Variants in ENTREP1 observed in about 807,000 individuals in gnomAD.
ENTREP1 encodes the protein endosomal transmembrane epsin interactor 1.
the ENTREP1 span, among the ~76,000 whole-genome samples, chr9:69,360,805 C>A: frequency 5.3e-5 from 8 of 151,876 alleles, no homozygotes; most frequent in African/African-American, 1.9e-4. Flanking sequence ...TTTTTTCCCT[C>A]ACTCCCCACA....
chr9:69,344,775 G>A, the ENTREP1 span, among the ~76,000 whole-genome samples: 4 of 152,184 alleles, frequency 2.6e-5, no homozygotes, highest in Non-Finnish European at 4.4e-5. Context: ...TTGTGTCCAA[G>A]GCTGACAACA....
chr9:69,334,043 G>T, the ENTREP1 span, among the ~76,000 whole-genome samples: 1 of 152,208 alleles, frequency 6.6e-6, no homozygotes, highest in Non-Finnish European at 1.5e-5. Flanking sequence ...CATTTCTAAA[G>T]AAATAAGTGA....
the ENTREP1 span, among the ~76,000 whole-genome samples, chr9:69,384,220 A>G: frequency 6.6e-6 from 1 of 152,074 alleles, no homozygotes; most frequent in African/African-American, 2.4e-5. Flanking sequence ...AAATGATAAA[A>G]TAATGATCCT....
chr9:69,361,593 T>C, the ENTREP1 span, among the ~76,000 whole-genome samples: 4 of 152,238 alleles, frequency 2.6e-5, no homozygotes, highest in Non-Finnish European at 5.9e-5. Context: ...CTATGAGCAT[T>C]CTTGTCTATG....
the ENTREP1 span, chr9:69,336,421 CAGTA>C: frequency 7.7e-6 from 4 of 522,130 alleles, no homozygotes; most frequent in East Asian, 3.2e-5. Context: ...TGATCATAAC[CAGTA>C]AGTAAGATAA....
chr9:69,354,781 T>C, the ENTREP1 span, among the ~76,000 whole-genome samples: 1 of 152,206 alleles, frequency 6.6e-6, no homozygotes, highest in Non-Finnish European at 1.5e-5. Flanking sequence ...TTGTCTCTCT[T>C]TTTGTGATAT....
chr9:69,365,907 A>G, the ENTREP1 span, among the ~76,000 whole-genome samples: 1 of 152,128 alleles, frequency 6.6e-6, no homozygotes, highest in Admixed American at 6.6e-5. Context: ...TATATACCAT[A>G]TATTATTTAT....
the ENTREP1 span, among the ~76,000 whole-genome samples, chr9:69,379,243 A>G: frequency 6.6e-6 from 1 of 152,248 alleles, no homozygotes; most frequent in Non-Finnish European, 1.5e-5. Context: ...ACTTTGAGAT[A>G]GGTCACCAGT....
the ENTREP1 span, among the ~76,000 whole-genome samples, chr9:69,367,704 AAT>A: frequency 1.1e-4 from 12 of 105,056 alleles, no homozygotes; most frequent in South Asian, 6.0e-4. Flanking sequence ...CATATATATA[AAT>A]ATATATATAC....
At chr9:69,334,908 C>A in the ENTREP1 span, among the ~76,000 whole-genome samples, 1 of 151,758 alleles carries the variant, frequency 6.6e-6, no homozygotes, top group African/African-American at 2.4e-5. Context: ...TCCCAAGTAG[C>A]GTCACCATGC....
chr9:69,336,143 C>T, the ENTREP1 span: 7 of 787,654 alleles, frequency 8.9e-6, no homozygotes, highest in Non-Finnish European at 1.2e-5. Context: ...AAAATATGTA[C>T]TTTTGTGACT....
chr9:69,388,116 G>T, the ENTREP1 span: 4 of 1,613,810 alleles, frequency 2.5e-6, no homozygotes, highest in Non-Finnish European at 2.5e-6. Flanking sequence ...ATGTTCAAAA[G>T]GGGTTGGCCA....
the ENTREP1 span, chr9:69,383,807 A>C: frequency 6.2e-7 from 1 of 1,611,234 alleles, no homozygotes; most frequent in South Asian, 1.1e-5. Context: ...GCAAGTGGGA[A>C]AGACAGCACC....
At chr9:69,367,932 C>T in the ENTREP1 span, among the ~76,000 whole-genome samples, 7 of 146,856 alleles carry the variant, frequency 4.8e-5, no homozygotes, top group Non-Finnish European at 8.9e-5. Context: ...TATATATACA[C>T]GTACATATAT....
At chr9:69,377,485 T>C in the ENTREP1 span, 8 of 1,609,470 alleles carry the variant, frequency 5.0e-6, no homozygotes, top group East Asian at 2.2e-5. Flanking sequence ...ATCGTAAGTC[T>C]ATGCAAGGGC....
chr9:69,328,872 C>T, the ENTREP1 span, among the ~76,000 whole-genome samples: 1 of 152,100 alleles, frequency 6.6e-6, no homozygotes, highest in African/African-American at 2.4e-5. Context: ...ACTCCTCATT[C>T]TCCACCACCC....
chr9:69,345,205 A>C, the ENTREP1 span, among the ~76,000 whole-genome samples: 1 of 152,124 alleles, frequency 6.6e-6, no homozygotes, highest in Admixed American at 6.5e-5. Context: ...GGGTGATGGT[A>C]GAATTGGGTA....
At chr9:69,365,654 T>A in the ENTREP1 span, among the ~76,000 whole-genome samples, 1 of 152,176 alleles carries the variant, frequency 6.6e-6, no homozygotes, top group Non-Finnish European at 1.5e-5. Flanking sequence ...AACCAACCTC[T>A]CTTCCTTGAT....
At chr9:69,326,342 G>T in the ENTREP1 span, among the ~76,000 whole-genome samples, 11,854 of 152,146 alleles carry the variant, frequency 0.078, 851 homozygotes, top group African/African-American at 0.19. Context: ...AACCCCACTG[G>T]GTTCCTGGAG....
Sources: allele counts gnomAD v4.1 joint callset (sites outside exome capture counted in the v4.1 genomes callset), GRCh38; gene constraint gnomAD v4.1.1; transcripts MANE v1.5; gene names NCBI Gene and HGNC (gene_info 2026-07-23, HGNC 2026-07-21).